Variants in GLIS1 observed in about 807,000 individuals in gnomAD.
GLIS1 encodes zinc finger protein GLIS1.
A neutral mutation model predicts 63.8 loss-of-function variants in GLIS1; 24 were observed. The ratio of observed to expected loss-of-function variants is 0.38; its 90% CI spans 0.27 to 0.53. The LOEUF (loss-of-function observed/expected upper bound fraction) is 0.53, where lower values mean the gene tolerates loss of function less well. Ranked by LOEUF, GLIS1 falls within the 20% of genes least tolerant of loss-of-function variation. The pLI is 0.85. For synonymous variants in GLIS1, 450 were observed against 482.5 expected (o/e 0.93, Z 0.88); for missense variants, 1,036 against 1,074.1 (o/e 0.96, Z 0.50).
At chr1:53,733,999 A>G in intron 2 of GLIS1, 1 of 985,386 alleles carries the variant, frequency 1.0e-6, no homozygotes. Context: ...TGGTACCACC[A>G]AAACATCATG....
chr1:53,542,732 T>G (rs968497160), intron 4 of GLIS1, among the ~76,000 whole-genome samples: 4 of 152,194 alleles, frequency 2.6e-5, no homozygotes, highest in African/African-American at 9.6e-5. Flanking sequence ...CCTTCACCCC[T>G]GGGGCTACGC....
chr1:53,593,880 TG>T (rs897980250), intron 4 of GLIS1, among the ~76,000 whole-genome samples: 3 of 152,198 alleles, frequency 2.0e-5, no homozygotes, highest in Admixed American at 2.0e-4. Flanking sequence ...GGTGGGGGAC[TG>T]GGCACCTAGT....
chr1:53,645,393 C>T (rs1557499454), intron 2 of GLIS1, among the ~76,000 whole-genome samples: 1 of 152,214 alleles, frequency 6.6e-6, no homozygotes, highest in East Asian at 1.9e-4. Context: ...CACTAGAAGA[C>T]AGGCTTCTGG....
chr1:53,710,824 C>A (rs1646639352), intron 2 of GLIS1, among the ~76,000 whole-genome samples: 1 of 152,208 alleles, frequency 6.6e-6, no homozygotes, highest in Non-Finnish European at 1.5e-5. Flanking sequence ...CCCTCCCACG[C>A]ATGTGAATGT....
intron 2 of GLIS1, among the ~76,000 whole-genome samples, chr1:53,713,946 C>T (rs1280904366): frequency 6.6e-6 from 1 of 152,256 alleles, no homozygotes; most frequent in Non-Finnish European, 1.5e-5. Flanking sequence ...CCCTGGCCCC[C>T]TGAGGGCCTC....
At chr1:53,705,108 C>A (rs925058054) in intron 2 of GLIS1, among the ~76,000 whole-genome samples, 2 of 152,176 alleles carry the variant, frequency 1.3e-5, no homozygotes, top group Non-Finnish European at 1.5e-5. Context: ...CCTCATGCTG[C>A]CTCCTGGGAA....
intron 4 of GLIS1, among the ~76,000 whole-genome samples, chr1:53,569,684 T>C (rs972380367): frequency 6.6e-6 from 1 of 151,422 alleles, no homozygotes; most frequent in African/African-American, 2.4e-5. Flanking sequence ...TGAAAGTCTA[T>C]ATAGAAATAT....
intron 2 of GLIS1, among the ~76,000 whole-genome samples, chr1:53,624,473 T>C (rs913163960): frequency 6.6e-6 from 1 of 151,996 alleles, no homozygotes. Flanking sequence ...AAAGGCTTCT[T>C]AGAACACACA....
At chr1:53,602,705 G>C (rs1645330534) in intron 2 of GLIS1, among the ~76,000 whole-genome samples, 1 of 152,198 alleles carries the variant, frequency 6.6e-6, no homozygotes, top group Admixed American at 6.5e-5. Flanking sequence ...GAGAGATTCT[G>C]TGCCTTTGAG....
At chr1:53,686,370 C>A (rs891298288) in intron 2 of GLIS1, among the ~76,000 whole-genome samples, 2 of 152,188 alleles carry the variant, frequency 1.3e-5, no homozygotes, top group East Asian at 3.8e-4. Context: ...CACCAGCCCC[C>A]TAGCCTCTCT....
rs376796216 is a variant in GLIS1, at chr1:53,506,669, C to T, written c.2338G>A (p.Ala780Thr). 1.2e-5 allele frequency: 19 copies of T among 1,613,442 alleles called. No homozygotes were observed. The highest frequency in any genetic ancestry group is 1.6e-5 in the Non-Finnish European group (19 of 1,179,992). Residue 780 changes from alanine (A) to threonine (T), a missense_variant, in exon 11 of 11, where the codon GCC becomes ACC. Transcript: ENST00000628545. ...ATGTGGCCCAGGCAGTGGTCAAAGG[C>T]TCCATTGGGGAAGAAGCCACAGTCC... ...PEDCGFFPNG[A>T]FDHCLGHIPS...
chr1:53,588,974 T>G (rs1442808318), intron 4 of GLIS1, among the ~76,000 whole-genome samples: 1 of 152,244 alleles, frequency 6.6e-6, no homozygotes, highest in Non-Finnish European at 1.5e-5. Flanking sequence ...CCATGGGATA[T>G]GAGCCCAGAA....
At chr1:53,603,814 T>C (rs1244300937) in intron 2 of GLIS1, among the ~76,000 whole-genome samples, 2 of 152,254 alleles carry the variant, frequency 1.3e-5, no homozygotes, top group African/African-American at 4.8e-5. Flanking sequence ...TACAGGGTGA[T>C]GGAGTCCTGT....
intron 2 of GLIS1, among the ~76,000 whole-genome samples, chr1:53,651,939 T>G (rs1376113892): frequency 6.6e-6 from 1 of 151,142 alleles, no homozygotes; most frequent in East Asian, 2.0e-4. Context: ...ACCTGAGTAT[T>G]GAGGGGTGGA....
In GLIS1 at chr1:53,564,659, G is replaced by T. The variant is rs1188418011; in HGVS notation, c.1320+29449C>A. 2.0e-5 allele frequency among the ~76,000 whole-genome samples: 3 copies of T among 152,064 alleles called. No individual in the cohort carries two copies. The East Asian group carries it at 5.8e-4, about 29-fold the overall frequency. On this transcript the variant is annotated intron_variant, in intron 4 of 10. Coordinates refer to ENST00000628545, the MANE Select transcript of GLIS1 (RefSeq NM_001367484.1). ...GAAAAAAGTTTAAGGGGTAGAAAAA[G>T]ATATACCATACAATTACTATTCAAA... is the stretch of plus-strand genomic sequence containing the variant.
chr1:53,665,679 A>T (rs945183928), intron 2 of GLIS1, among the ~76,000 whole-genome samples: 1 of 152,192 alleles, frequency 6.6e-6, no homozygotes, highest in Non-Finnish European at 1.5e-5. Flanking sequence ...AGACAGATAC[A>T]AACCCTGGGG....
chr1:53,509,143 A>C lies in GLIS1; in HGVS notation c.2207T>G (p.Leu736Arg). The C allele has an allele frequency of 6.3e-7, 1 of 1,589,044 alleles. No individual in the cohort carries two copies. Among genetic ancestry groups the C allele is most frequent in the Admixed American group, 1.7e-5 (1 of 58,142 alleles). Residue 736 changes from leucine (L) to arginine (R), a missense_variant, in exon 10 of 11, where the codon CTC (leucine) becomes CGC (arginine). Coordinates refer to ENST00000628545, the MANE Select transcript of GLIS1 (RefSeq NM_001367484.1). The part of the protein sequence containing the change: ...NPLRPNGYHS[L>R]STPLPATGYE... ...ACCTGTGGCAGGCAAGGGCGTGCTGAGGCTGTGGTAGCCATTGGGCCGCAG... is the reference window on the plus strand; with the variant it reads ...ACCTGTGGCAGGCAAGGGCGTGCTGCGGCTGTGGTAGCCATTGGGCCGCAG...
chr1:53,516,906 T>C lies in GLIS1; in HGVS notation c.1727-2125A>G, dbSNP rs554718994. 3.3e-5 allele frequency among the ~76,000 whole-genome samples: 5 copies of C among 151,928 alleles called. No individual in the cohort carries two copies. The South Asian group carries it at 1.0e-3, about 32-fold the overall frequency. ...ACAGTTTGCAACTCCTGGCCTGGAG[T>C]TAAAGCTGCAAGCACCCTACGTTAC... On this transcript the variant is annotated intron_variant, in intron 7 of 10. Transcript: ENST00000628545.
intron 7 of GLIS1, among the ~76,000 whole-genome samples, chr1:53,518,794 T>C (rs1209519823): frequency 1.3e-5 from 2 of 152,194 alleles, no homozygotes; most frequent in Admixed American, 1.3e-4. Context: ...GTGAAGTCAG[T>C]GGCCCAAGCA....
Sources: allele counts gnomAD v4.1 joint callset (sites outside exome capture counted in the v4.1 genomes callset), GRCh38; gene constraint gnomAD v4.1.1; transcripts MANE v1.5; gene names NCBI Gene and HGNC (gene_info 2026-07-23, HGNC 2026-07-21).